The following ZNF521 variants were observed in gnomAD, a reference collection of about 807,000 sequenced individuals.
ZNF521 encodes the protein zinc finger protein 521.
Under a neutral mutation model 105.5 loss-of-function variants are expected in ZNF521, and 14 were observed. The ratio of observed to expected loss-of-function variants is 0.13; its 90% CI spans 0.09 to 0.21. ZNF521 has a LOEUF of 0.21. Ranked by LOEUF, ZNF521 falls within the 10% of genes least tolerant of loss-of-function variation. The pLI, the probability that ZNF521 is intolerant of heterozygous loss-of-function variation, is 1.00. For missense variants in ZNF521, 1,233 were observed against 1,629.7 expected (o/e 0.76, Z 4.19); for synonymous variants, 635 against 606.0 (o/e 1.05, Z -0.70).
intron 5 of ZNF521, among the ~76,000 whole-genome samples, chr18:25,162,589 G>C (rs2035269720): frequency 6.6e-6 from 1 of 152,174 alleles, no homozygotes; most frequent in African/African-American, 2.4e-5. Context: ...AGATTGTAAA[G>C]CAAGTCCAAC....
chr18:25,344,059 T>C (rs1290667548), intron 2 of ZNF521, among the ~76,000 whole-genome samples: 1 of 152,152 alleles, frequency 6.6e-6, no homozygotes, highest in Non-Finnish European at 1.5e-5. Flanking sequence ...CTGCTAAAAC[T>C]GAAGCTACTG....
chr18:25,206,553 T>C (rs1402199476), intron 4 of ZNF521, among the ~76,000 whole-genome samples: 2 of 152,176 alleles, frequency 1.3e-5, no homozygotes, highest in African/African-American at 4.8e-5. Context: ...CTACAAAATG[T>C]GGTTTGTCTT....
chr18:25,076,576 T>C (rs1030202815), intron 7 of ZNF521, among the ~76,000 whole-genome samples: 1 of 152,202 alleles, frequency 6.6e-6, no homozygotes, highest in Non-Finnish European at 1.5e-5. Context: ...CTTTTTTCTC[T>C]CCATGAATAC....
intron 3 of ZNF521, among the ~76,000 whole-genome samples, chr18:25,300,922 C>T (rs1016069438): frequency 1.3e-5 from 2 of 152,122 alleles, no homozygotes; most frequent in African/African-American, 4.8e-5. Context: ...TTCTCCCGAG[C>T]ATTGCAAGTA....
intron 2 of ZNF521, among the ~76,000 whole-genome samples, chr18:25,338,699 A>G (rs2145200085): frequency 6.6e-6 from 1 of 152,310 alleles, no homozygotes; most frequent in Non-Finnish European, 1.5e-5. Context: ...GGTGTGAGCC[A>G]TTGCGCCCAG....
At chr18:25,217,773 A>G (rs1374588348) in intron 4 of ZNF521, among the ~76,000 whole-genome samples, 1 of 152,240 alleles carries the variant, frequency 6.6e-6, no homozygotes, top group Non-Finnish European at 1.5e-5. Context: ...ACAATGTAAT[A>G]GATAATCACA....
At chr18:25,309,677 G>T (rs1272315558) in intron 3 of ZNF521, among the ~76,000 whole-genome samples, 1 of 152,102 alleles carries the variant, frequency 6.6e-6, no homozygotes, top group Non-Finnish European at 1.5e-5. Context: ...ATAAGAAATA[G>T]TAAGTATATA....
chr18:25,231,146 G>A (rs1239196046), intron 3 of ZNF521, among the ~76,000 whole-genome samples: 2 of 152,178 alleles, frequency 1.3e-5, no homozygotes, highest in African/African-American at 4.8e-5. Flanking sequence ...TGCCAAAGGG[G>A]ATGCAGAACT....
intron 4 of ZNF521, among the ~76,000 whole-genome samples, chr18:25,217,048 A>T (rs1306443931): frequency 2.0e-5 from 3 of 152,156 alleles, no homozygotes; most frequent in Non-Finnish European, 4.4e-5. Context: ...AAGAAGGAAG[A>T]GTCGCCAGAA....
At chr18:25,212,261 T>C (rs139579995) in intron 4 of ZNF521, among the ~76,000 whole-genome samples, 2,940 of 151,510 alleles carry the variant, frequency 0.019, 69 homozygotes, top group African/African-American at 0.056. Context: ...CCTGTAATCC[T>C]AGCACTTTGG....
At chr18:25,205,682 C>A (rs2036066882) in intron 4 of ZNF521, among the ~76,000 whole-genome samples, 1 of 151,998 alleles carries the variant, frequency 6.6e-6, no homozygotes, top group South Asian at 2.1e-4. Flanking sequence ...AACTTATAAT[C>A]CCACCATAAA....
chr18:25,221,937 A>G (rs1037617838), intron 4 of ZNF521, among the ~76,000 whole-genome samples: 1 of 152,140 alleles, frequency 6.6e-6, no homozygotes, highest in African/African-American at 2.4e-5. Flanking sequence ...TATATTGTAC[A>G]TATTTAATTG....
intron 3 of ZNF521, among the ~76,000 whole-genome samples, chr18:25,257,789 G>T (rs187942399): frequency 5.9e-5 from 9 of 152,276 alleles, no homozygotes; most frequent in Non-Finnish European, 1.3e-4. Flanking sequence ...GAGATACAAA[G>T]GAAGGGTTGT....
At chr18:25,321,036 A>G (rs914452421) in intron 3 of ZNF521, among the ~76,000 whole-genome samples, 4 of 152,248 alleles carry the variant, frequency 2.6e-5, no homozygotes, top group Non-Finnish European at 4.4e-5. Flanking sequence ...TCTTATAAAA[A>G]TATGAATATG....
At chr18:25,322,557 C>CAAAA (rs1199202508) in intron 2 of ZNF521, among the ~76,000 whole-genome samples, 1 of 124,842 alleles carries the variant, frequency 8.0e-6, no homozygotes, top group South Asian at 2.8e-4. Context: ...AAAAAAACCC[C>CAAAA]CCCACTGTGC....
chr18:25,268,128 T>C (rs117459463), intron 3 of ZNF521, among the ~76,000 whole-genome samples: 2,330 of 152,270 alleles, frequency 0.015, 52 homozygotes, highest in East Asian at 0.083. Flanking sequence ...GAGAACTTCC[T>C]GCAGCATGTA....
intron 3 of ZNF521, among the ~76,000 whole-genome samples, chr18:25,250,807 A>T (rs1232097024): frequency 6.6e-6 from 1 of 152,234 alleles, no homozygotes; most frequent in Non-Finnish European, 1.5e-5. Flanking sequence ...TTGAAATTTA[A>T]AATGTCTCAT....
At chr18:25,232,653 T>C (rs976954603) in intron 3 of ZNF521, among the ~76,000 whole-genome samples, 10 of 152,216 alleles carry the variant, frequency 6.6e-5, no homozygotes, top group Non-Finnish European at 1.2e-4. Flanking sequence ...ACATGGGATA[T>C]AATCTTGGGT....
intron 5 of ZNF521, among the ~76,000 whole-genome samples, chr18:25,194,315 AAATAGCATAAAGT>A (rs1263600257): frequency 1.3e-5 from 2 of 151,806 alleles, no homozygotes; most frequent in Admixed American, 1.3e-4. Context: ...TGAGTAACAA[AAATAGCATAAAGT>A]AATAGCAATT....
Sources: gnomAD v4.1 joint callset for allele counts (sites outside exome capture counted in the v4.1 genomes callset) on GRCh38, gnomAD v4.1.1 for gene constraint, MANE v1.5 for transcripts, NCBI Gene and HGNC (gene_info 2026-07-23, HGNC 2026-07-21) for gene names.